Variants in SH3BGR observed in about 807,000 individuals in gnomAD.
SH3BGR encodes SH3 domain-binding glutamic acid-rich protein.
SH3BGR carries 29 observed loss-of-function variants against 24.5 expected under a neutral mutation model. The ratio of observed to expected loss-of-function variants is 1.18; its 90% CI spans 0.88 to 1.61. SH3BGR has a LOEUF of 1.61. SH3BGR is among the 40% of genes most tolerant of loss of function. The pLI is 0.00. For missense variants in SH3BGR, 162 were observed against 205.8 expected, an observed-to-expected ratio of 0.79 and a Z score of 1.30; for synonymous variants, 55 against 65.7, an observed-to-expected ratio of 0.84 and a Z score of 0.79.
At chr21:39,478,384 C>T (rs185105200) in intron 3 of SH3BGR, among the ~76,000 whole-genome samples, 4 of 152,320 alleles carry the variant, frequency 2.6e-5, no homozygotes, top group African/African-American at 9.6e-5. Flanking sequence ...TCTGAGATCA[C>T]GTCTGATGCC....
At chr21:39,475,745 G>A (rs1325904255) in intron 3 of SH3BGR, among the ~76,000 whole-genome samples, 4 of 152,164 alleles carry the variant, frequency 2.6e-5, no homozygotes, top group East Asian at 1.9e-4. Context: ...CTTTGATTAT[G>A]TATAATTAAA....
intron 1 of SH3BGR, 35 bp from the exon 2 acceptor site, chr21:39,462,340 C>T (rs759275189): frequency 3.7e-5 from 56 of 1,513,384 alleles, no homozygotes; most frequent in Non-Finnish European, 4.9e-5. Context: ...AAATATTTTT[C>T]ATAAACAGCC....
At chr21:39,478,677 G>T (rs892549802) in intron 3 of SH3BGR, among the ~76,000 whole-genome samples, 3 of 152,032 alleles carry the variant, frequency 2.0e-5, no homozygotes, top group African/African-American at 7.2e-5. Context: ...CCTCTTGGAT[G>T]AATTCTCTAA....
chr21:39,470,209 C>T (rs916454805), intron 2 of SH3BGR, among the ~76,000 whole-genome samples: 4 of 151,828 alleles, frequency 2.6e-5, no homozygotes, highest in African/African-American at 4.8e-5. Flanking sequence ...GCTATTTTAA[C>T]ATACATACTT....
At chr21:39,486,803 G>A (rs935912312) in intron 3 of SH3BGR, among the ~76,000 whole-genome samples, 10 of 151,830 alleles carry the variant, frequency 6.6e-5, no homozygotes, top group Non-Finnish European at 1.0e-4. Context: ...TGCAACTTCC[G>A]CCTCCCAAGT....
At chr21:39,470,001 A>G (rs557972337) in intron 2 of SH3BGR, among the ~76,000 whole-genome samples, 222 of 151,964 alleles carry the variant, frequency 1.5e-3, no homozygotes, top group Non-Finnish European at 2.6e-3. Flanking sequence ...AGATATTTAT[A>G]CCTTTCTTTT....
At position 39,511,486 on chromosome 21, in the gene SH3BGR, GT is replaced by G. The variant is rs1167253557; in HGVS notation, c.436-193del. Among the ~76,000 whole-genome samples, 1 of 150,386 alleles carries G rather than the reference GT, an allele frequency of 6.6e-6. No homozygotes were observed. The highest frequency in any genetic ancestry group is 1.5e-5 in the Non-Finnish European group (1 of 67,434). On this transcript the variant is annotated intron_variant, in intron 5 of 6. Transcript: ENST00000333634. This position sits in a 1 kb window ranked among gnomAD's most constrained non-coding sequence, Gnocchi z 4.2. ...GTGTGTGTGTTTGGGCGGTATGTGT[GT>G]GGGGTGTGTGTGTGGCATGTGTTTG...
intron 2 of SH3BGR, among the ~76,000 whole-genome samples, chr21:39,473,940 C>T (rs907913546): frequency 6.6e-6 from 1 of 151,242 alleles, no homozygotes; most frequent in South Asian, 2.1e-4. Context: ...TTTTTCTCAA[C>T]AGCTGTGACC....
At chr21:39,451,922 C>A (rs2077579922), upstream of SH3BGR, 1 of 1,613,994 alleles carries the variant, frequency 6.2e-7, no homozygotes, top group African/African-American at 1.3e-5. Flanking sequence ...CTCTGCTGCT[C>A]CTTGGAGAGA....
intron 3 of SH3BGR, among the ~76,000 whole-genome samples, chr21:39,489,233 G>T (rs1272391201): frequency 6.6e-6 from 1 of 152,212 alleles, no homozygotes. Context: ...AGTTGGAGAT[G>T]CTGCTGCAGC....
intron 3 of SH3BGR, chr21:39,488,821 C>A (rs1029994458): frequency 2.6e-5 from 6 of 232,550 alleles, no homozygotes; most frequent in Non-Finnish European, 5.3e-5. Context: ...AGCATCCCCC[C>A]AGCCCTGTCC....
At chr21:39,472,957 T>TCTC (rs1227917286) in intron 2 of SH3BGR, among the ~76,000 whole-genome samples, 1 of 152,212 alleles carries the variant, frequency 6.6e-6, no homozygotes, top group Non-Finnish European at 1.5e-5. Context: ...GGATTCACGC[T>TCTC]CTCACTGGCT....
intron 4 of SH3BGR, among the ~76,000 whole-genome samples, chr21:39,502,422 C>T (rs555117566): frequency 6.6e-6 from 1 of 152,294 alleles, no homozygotes; most frequent in East Asian, 1.9e-4. Context: ...TTTCTTTTTG[C>T]TCCTCTTGGC....
At chr21:39,445,880 C>T (rs887941737), upstream of SH3BGR, 1 of 152,334 alleles carries the variant, frequency 6.6e-6, no homozygotes, top group Admixed American at 6.5e-5. Flanking sequence ...GGAGGGGCGT[C>T]TTGGGCCTGG....
In SH3BGR at chr21:39,452,114, T is replaced by C. The variant is rs527340619; in HGVS notation, c.18T>C (p.Phe6=). The C allele has an allele frequency of 6.2e-7, 1 of 1,614,140 alleles. No individual in the cohort carries two copies. The highest frequency in any genetic ancestry group is 1.3e-5 in the African/African-American group (1 of 75,032). ...CTGTCGAAATGGTTATCAAAGTGTT[T>C]GTTGCTACATCTTCTGGGTCCATAG... MVIKV[F]VATSSGSIAI... is the part of the protein sequence containing the mutation. Residue 6 remains phenylalanine, a synonymous_variant, in exon 1 of 7, where the codon TTT becomes TTC. Transcript: ENST00000333634.
chr21:39,485,295 T>C (rs1040070482), intron 3 of SH3BGR, among the ~76,000 whole-genome samples: 1 of 152,114 alleles, frequency 6.6e-6, no homozygotes, highest in African/African-American at 2.4e-5. Flanking sequence ...TGCCAAAAAA[T>C]ATATATGTAT....
chr21:39,512,077 G>T (rs921062222), intron 6 of SH3BGR, among the ~76,000 whole-genome samples: 2 of 152,174 alleles, frequency 1.3e-5, no homozygotes, highest in Non-Finnish European at 2.9e-5. Context: ...CACCTTTGAT[G>T]CAGGGAAGAG....
At chr21:39,479,138 G>A (rs1460732852) in intron 3 of SH3BGR, among the ~76,000 whole-genome samples, 1 of 152,190 alleles carries the variant, frequency 6.6e-6, no homozygotes, top group Non-Finnish European at 1.5e-5. Context: ...GGAAGGCTGA[G>A]GTGAGAGGAT....
At chr21:39,495,002 A>C (rs1390377882) in intron 3 of SH3BGR, among the ~76,000 whole-genome samples, 1 of 151,210 alleles carries the variant, frequency 6.6e-6, no homozygotes, top group Non-Finnish European at 1.5e-5. Context: ...TAATTTTTTT[A>C]TTTCATATAT....
Sources: allele counts gnomAD v4.1 joint callset (sites outside exome capture counted in the v4.1 genomes callset), GRCh38; gene constraint gnomAD v4.1.1; non-coding constraint Gnocchi (gnomAD v3.1); transcripts MANE v1.5; gene names NCBI Gene and HGNC (gene_info 2026-07-23, HGNC 2026-07-21).